FAF1: variants seen among roughly 807,000 people sequenced by gnomAD.
FAF1 encodes Fas associated factor 1, also known as FAS-associated factor 1.
In FAF1, 25 loss-of-function variants were observed where a neutral mutation model predicts 92.5. That is an observed-to-expected ratio of 0.27 (90% CI 0.20 to 0.38). FAF1 has a LOEUF of 0.38. Among genes scored for constraint, FAF1 ranks in the 10% least tolerant of loss-of-function variants. FAF1 has a pLI of 1.00. For synonymous variants in FAF1, 234 were observed against 273.2 expected, an observed-to-expected ratio of 0.86 and a Z score of 1.42; for missense variants, 636 against 793.3, an observed-to-expected ratio of 0.80 and a Z score of 2.38.
intron 3 of FAF1, among the ~76,000 whole-genome samples, chr1:50,796,396 T>C (rs1267002936): frequency 6.6e-6 from 1 of 152,154 alleles, no homozygotes; most frequent in Non-Finnish European, 1.5e-5. Flanking sequence ...CTGCCAAAGC[T>C]ACCATTATCA....
intron 1 of FAF1, among the ~76,000 whole-genome samples, chr1:50,900,159 C>A (rs969792370): frequency 1.3e-5 from 2 of 152,136 alleles, no homozygotes; most frequent in African/African-American, 4.8e-5. Flanking sequence ...TATACATTCT[C>A]TCTCTCAGAC....
intron 7 of FAF1, among the ~76,000 whole-genome samples, chr1:50,693,990 TA>T (rs778931415): frequency 2.9e-4 from 35 of 119,552 alleles, no homozygotes; most frequent in Admixed American, 6.2e-4. Flanking sequence ...TCTATATGTA[TA>T]TGTGTCATTA....
chr1:50,655,667 G>A, intron 7 of FAF1, 139 bp from the exon 8 acceptor site: 1 of 547,828 alleles, frequency 1.8e-6, no homozygotes, highest in Non-Finnish European at 3.1e-6. Flanking sequence ...AAAAACCCAA[G>A]TCAAAAAATT....
intron 15 of FAF1, among the ~76,000 whole-genome samples, chr1:50,526,412 A>G (rs1647806945): frequency 6.6e-6 from 1 of 151,836 alleles, no homozygotes; most frequent in Admixed American, 6.6e-5. Context: ...CCTGCACAAA[A>G]TAGCGAGACC....
Position 50,458,529 on chromosome 1 carries a change from G to A in FAF1, c.1869+16935C>T, listed in dbSNP as rs558357052. ...GTCCTCTGTAAATAAGTTAGAAAGC[G>A]GTAAGGGCAAAATTTTTAAGGCTCT... On this transcript the variant is annotated intron_variant, in intron 18 of 18. Transcript: ENST00000396153. Among the ~76,000 whole-genome samples the A allele has an allele frequency of 1.8e-3, 268 of 152,226 alleles. 1 individual carries two copies. The highest frequency in any genetic ancestry group is 3.4e-3 in the Middle Eastern group (1 of 294).
intron 1 of FAF1, among the ~76,000 whole-genome samples, chr1:50,886,094 T>C (rs1198363825): frequency 3.9e-5 from 6 of 152,204 alleles, no homozygotes; most frequent in Non-Finnish European, 7.3e-5. Flanking sequence ...TTTTAGTCCT[T>C]CTATTTGAGA....
At chr1:50,945,486 C>T (rs1286003631) in intron 1 of FAF1, among the ~76,000 whole-genome samples, 2 of 152,186 alleles carry the variant, frequency 1.3e-5, no homozygotes, top group African/African-American at 4.8e-5. Context: ...TGTAATGGCA[C>T]CCTCTGTGTC....
intron 2 of FAF1, among the ~76,000 whole-genome samples, chr1:50,825,607 T>C (rs1487272995): frequency 6.6e-6 from 1 of 151,604 alleles, no homozygotes; most frequent in Non-Finnish European, 1.5e-5. Context: ...CAGTAATTGA[T>C]AGAGAAGGGG....
intron 2 of FAF1, among the ~76,000 whole-genome samples, chr1:50,802,695 A>G (rs1294534667): frequency 2.0e-5 from 3 of 152,194 alleles, no homozygotes; most frequent in Non-Finnish European, 2.9e-5. Context: ...AAACAAAACA[A>G]AAACAAACAA....
intron 9 of FAF1, 57 bp downstream of exon 9, chr1:50,596,064 C>T (rs956210839): frequency 2.0e-5 from 22 of 1,107,878 alleles, no homozygotes; most frequent in Admixed American, 1.1e-4. Flanking sequence ...AAGGGAAGTG[C>T]GCAGGTAGGT....
chr1:50,546,912 A>G (rs747987957), intron 13 of FAF1, among the ~76,000 whole-genome samples: 2 of 152,152 alleles, frequency 1.3e-5, no homozygotes, highest in Non-Finnish European at 2.9e-5. Flanking sequence ...TCTATTTTAT[A>G]TGAGTCTTCT....
rs531237044 is a variant in FAF1 at position 50,790,245 on chromosome 1, G to A, written c.162-2040C>T. On this transcript the variant is annotated intron_variant, in intron 3 of 18. Transcript: ENST00000396153. ...CAGCCTCCACCTCCTGGGTTCAAGT[G>A]ATTCTCCTACCTCAGCCTCCTGAGT... Among the ~76,000 whole-genome samples, 3 of 152,198 alleles carry A rather than the reference G, an allele frequency of 2.0e-5. No individual in the cohort carries two copies. The South Asian group carries it at 6.2e-4, about 32-fold the overall frequency.
intron 15 of FAF1, among the ~76,000 whole-genome samples, chr1:50,509,885 T>A (rs185075367): frequency 1.3e-5 from 2 of 149,506 alleles, no homozygotes; most frequent in African/African-American, 2.5e-5. Flanking sequence ...AAAAAAAAAA[T>A]GGCCAGGCAC....
intron 6 of FAF1, among the ~76,000 whole-genome samples, chr1:50,722,342 T>C (rs2124456346): frequency 6.6e-6 from 1 of 152,240 alleles, no homozygotes; most frequent in African/African-American, 2.4e-5. Context: ...AAGACACGAA[T>C]AACTTGGAAT....
intron 1 of FAF1, among the ~76,000 whole-genome samples, chr1:50,890,509 T>C (rs561645698): frequency 6.6e-4 from 101 of 152,282 alleles, no homozygotes; most frequent in African/African-American, 2.4e-3. Flanking sequence ...CCAGTTGTTC[T>C]TTTCCATGTT....
intron 4 of FAF1, 60 bp from the exon 5 acceptor site, chr1:50,744,835 A>G: frequency 9.8e-7 from 1 of 1,016,510 alleles, no homozygotes; most frequent in Non-Finnish European, 1.5e-6. Context: ...ACATTTGTCC[A>G]TATCCAGAGC....
chr1:50,561,336 T>A (rs1163007781), intron 13 of FAF1, among the ~76,000 whole-genome samples: 1 of 152,132 alleles, frequency 6.6e-6, no homozygotes, highest in Non-Finnish European at 1.5e-5. Context: ...CTGAACATTT[T>A]TAGTTCATTC....
intron 1 of FAF1, among the ~76,000 whole-genome samples, chr1:50,858,682 T>C (rs752865683): frequency 4.6e-5 from 7 of 151,918 alleles, no homozygotes; most frequent in Non-Finnish European, 2.9e-5. Flanking sequence ...CACACATTTC[T>C]TTTTACCCCT....
chr1:50,900,003 T>C (rs1271443346), intron 1 of FAF1, among the ~76,000 whole-genome samples: 1 of 152,240 alleles, frequency 6.6e-6, no homozygotes, highest in South Asian at 2.1e-4. Flanking sequence ...GTGTGAGTGC[T>C]AGAGATATTT....
Sources: gnomAD v4.1 joint callset for allele counts (sites outside exome capture counted in the v4.1 genomes callset) on GRCh38, gnomAD v4.1.1 for gene constraint, MANE v1.5 for transcripts, NCBI Gene and HGNC (gene_info 2026-07-23, HGNC 2026-07-21) for gene names.